PCLO: variants seen among roughly 807,000 people sequenced by gnomAD.
The protein encoded by PCLO is protein piccolo.
In PCLO, 82 loss-of-function variants were observed where a neutral mutation model predicts 427.5. The ratio of observed to expected loss-of-function variants is 0.19; its 90% CI spans 0.16 to 0.23. The LOEUF (loss-of-function observed/expected upper bound fraction) is 0.23, where lower values mean the gene tolerates loss of function less well. PCLO is among the 10% of genes least tolerant of loss of function. PCLO has a pLI of 1.00. For synonymous variants in PCLO, 2,357 were observed against 2,155.4 expected, an observed-to-expected ratio of 1.09 and a Z score of -2.59; for missense variants, 6,239 against 6,115.9, an observed-to-expected ratio of 1.02 and a Z score of -0.67.
intron 6 of PCLO, among the ~76,000 whole-genome samples, chr7:82,931,884 A>C (rs1372698728): frequency 6.6e-6 from 1 of 152,150 alleles, no homozygotes; most frequent in Non-Finnish European, 1.5e-5. Flanking sequence ...AAGGTCGATT[A>C]GGAACCACAT....
At chr7:83,146,595 T>A in intron 2 of PCLO, among the ~76,000 whole-genome samples, 1 of 120,100 alleles carries the variant, frequency 8.3e-6, no homozygotes, top group Non-Finnish European at 1.7e-5. Context: ...ATCCAATAAA[T>A]ACTTTTTTTT....
intron 3 of PCLO, among the ~76,000 whole-genome samples, chr7:83,061,404 T>A (rs183887652): frequency 6.6e-6 from 1 of 152,188 alleles, no homozygotes; most frequent in African/African-American, 2.4e-5. Context: ...GTTTGGATAA[T>A]CTTTAAAGTC....
chr7:83,085,380 A>C lies in PCLO; in HGVS notation c.3300+48870T>G, dbSNP rs148328509. 4.5e-4 allele frequency among the ~76,000 whole-genome samples: 69 copies of C among 152,316 alleles called. No homozygotes were observed. The Middle Eastern group carries it at 0.01, about 23-fold the overall frequency. ...AAACCTACTGCGAAGTTAATTTTAC[A>C]GATGAGAAAACTGAGGCACATTGGA... On this transcript the variant is annotated intron_variant, in intron 3 of 24. Transcript: ENST00000333891.
At chr7:83,006,863 T>C (rs2115961334) in intron 3 of PCLO, among the ~76,000 whole-genome samples, 1 of 151,676 alleles carries the variant, frequency 6.6e-6, no homozygotes, top group South Asian at 2.1e-4. Context: ...GACCACATAT[T>C]TAAAATTGAA....
chr7:82,804,666 G>A (rs1007388313), intron 21 of PCLO, among the ~76,000 whole-genome samples: 1 of 152,118 alleles, frequency 6.6e-6, no homozygotes, highest in Non-Finnish European at 1.5e-5. Flanking sequence ...CTGCCCTGCA[G>A]CACAAAAGCA....
At position 83,093,845 on chromosome 7, in the gene PCLO, G is replaced by GT. The variant is rs55892870; in HGVS notation, c.3300+40404dup. On this transcript the variant is annotated intron_variant, in intron 3 of 24. Coordinates refer to ENST00000333891, the MANE Select transcript of PCLO (RefSeq NM_033026.6). ...AAAATCCTAGGTTGTTTACTGATTTGTTTTTTTTTTTTTAATTTTGAGATA... is the reference window on the plus strand; with the variant it reads ...AAAATCCTAGGTTGTTTACTGATTTGTTTTTTTTTTTTTTAATTTTGAGATA... Among the ~76,000 whole-genome samples, 216 of 135,728 alleles carry GT rather than the reference G, an allele frequency of 1.6e-3. 1 individual carries two copies. The highest frequency in any genetic ancestry group is 5.8e-3 in the South Asian group (25 of 4,334). The allele number at this position is 135,728 out of a possible 152,430, so 89.0% of individuals were successfully genotyped here. A position where few individuals can be genotyped will look rare whatever the true frequency, so the allele number is the denominator to read the frequency against.
chr7:82,846,332 T>C (rs1344102238), intron 12 of PCLO, among the ~76,000 whole-genome samples: 2 of 152,154 alleles, frequency 1.3e-5, no homozygotes, highest in Non-Finnish European at 2.9e-5. Context: ...TACGTGAACT[T>C]GTTTAAGGGG....
At chr7:82,911,399 A>C (rs1250479406) in intron 7 of PCLO, among the ~76,000 whole-genome samples, 1 of 152,124 alleles carries the variant, frequency 6.6e-6, no homozygotes, top group African/African-American at 2.4e-5. Flanking sequence ...TAACAAAAAA[A>C]ATTCTGAATT....
At chr7:82,893,803 T>A (rs889287444) in intron 9 of PCLO, among the ~76,000 whole-genome samples, 2 of 152,018 alleles carry the variant, frequency 1.3e-5, no homozygotes, top group African/African-American at 4.8e-5. Context: ...TCAGTCTGAT[T>A]CAATTATTTA....
At chr7:83,096,164 G>A (rs1420693180) in intron 3 of PCLO, among the ~76,000 whole-genome samples, 2 of 152,042 alleles carry the variant, frequency 1.3e-5, no homozygotes, top group African/African-American at 4.8e-5. Context: ...GTTTTAGAGT[G>A]TTTTTCTAAC....
intron 6 of PCLO, among the ~76,000 whole-genome samples, chr7:82,920,744 TAAGTA>T (rs772507186): frequency 9.2e-5 from 14 of 151,744 alleles, no homozygotes; most frequent in Admixed American, 6.6e-4. Flanking sequence ...ATGAAAATAA[TAAGTA>T]AAGCACATAG....
intron 22 of PCLO, among the ~76,000 whole-genome samples, chr7:82,781,598 A>G (rs11978417): frequency 0.054 from 8,152 of 152,160 alleles, 692 homozygotes; most frequent in African/African-American, 0.18. Context: ...TTCCTGGTTT[A>G]TAACTCCCAC....
At chr7:82,927,789 A>T (rs1017027598) in intron 6 of PCLO, among the ~76,000 whole-genome samples, 1 of 152,192 alleles carries the variant, frequency 6.6e-6, no homozygotes, top group Non-Finnish European at 1.5e-5. Context: ...ACATAAATAT[A>T]TATTTTCAAC....
chr7:82,908,666 T>C (rs1227620583), intron 8 of PCLO, among the ~76,000 whole-genome samples: 1 of 152,116 alleles, frequency 6.6e-6, no homozygotes, highest in Non-Finnish European at 1.5e-5. Context: ...ATGAATCACT[T>C]AAATTGGTAG....
rs369203233 is a variant in PCLO at position 82,953,905 on chromosome 7, G to C, written c.7048C>G (p.Leu2350Val). 1.2e-6 allele frequency: 2 copies of C among 1,613,898 alleles called. No homozygotes were observed. Among genetic ancestry groups the C allele is most frequent in the Middle Eastern group, 1.6e-4 (1 of 6,062 alleles). Reference sequence around the variant, plus strand: ...GTTGAAAGCTGCTCTTTCATTGGAAGGGCTATTACAGAAGAAGGTGGGTGA... The same window carrying C: ...GTTGAAAGCTGCTCTTTCATTGGAACGGCTATTACAGAAGAAGGTGGGTGA... ...FDHPPSSVIALPMKEQLSTTY... is the reference protein window; with the variant it reads ...FDHPPSSVIAVPMKEQLSTTY... The change falls in exon 5 of 25, where the codon CTT becomes GTT. Residue 2350 changes from leucine (L) to valine (V), a missense_variant. Physicochemically the swap from Leu to Val is conservative, Grantham distance 32. This residue lies in a region of PCLO where 4,677 missense variants were observed against 4,468.4 expected (regional missense o/e 1.05). Transcript: ENST00000333891.
At position 83,162,539 on chromosome 7, in the gene PCLO, C is replaced by T. The variant is rs765562490; in HGVS notation, c.54G>A (p.Ala18=). The change falls in exon 1 of 25, where the codon GCG becomes GCA. Residue 18 remains alanine, a synonymous_variant. Coordinates refer to ENST00000333891, the MANE Select transcript of PCLO (RefSeq NM_033026.6). ...EGEGLPEGLA[A]AAAAGGGASG... is the part of the protein sequence containing the mutation. ...TAGCTCCTCCTCCAGCCGCTGCGGC[C>T]GCCGCCAGCCCTTCGGGGAGCCCTT... The T allele has an allele frequency of 6.4e-7, 1 of 1,553,826 alleles. No individual in the cohort carries two copies. Among genetic ancestry groups the T allele is most frequent in the Non-Finnish European group, 8.7e-7 (1 of 1,149,972 alleles).
At chr7:82,767,989 G>A (rs918163594) in intron 22 of PCLO, among the ~76,000 whole-genome samples, 2 of 151,996 alleles carry the variant, frequency 1.3e-5, no homozygotes, top group South Asian at 2.1e-4. Flanking sequence ...AAAGGAGGGA[G>A]GGAGGGAAGG....
chr7:82,842,899 G>T (rs1476448340), intron 13 of PCLO, among the ~76,000 whole-genome samples: 2 of 151,974 alleles, frequency 1.3e-5, no homozygotes, highest in Non-Finnish European at 2.9e-5. Context: ...AAAGAAAAAA[G>T]ATAGTGAGTG....
chr7:82,903,463 A>G (rs899010878), intron 8 of PCLO, among the ~76,000 whole-genome samples: 7 of 152,016 alleles, frequency 4.6e-5, no homozygotes, highest in Admixed American at 3.3e-4. Context: ...TTCAATTCTC[A>G]TTATTGAGAC....
Sources: gnomAD v4.1 joint callset for allele counts (sites outside exome capture counted in the v4.1 genomes callset) on GRCh38, gnomAD v4.1.1 for gene constraint, gnomAD v4.1.1 regional missense constraint, MANE v1.5 for transcripts, NCBI Gene and HGNC (gene_info 2026-07-23, HGNC 2026-07-21) for gene names.